The following PLCXD2 variants were observed in gnomAD, a reference collection of about 807,000 sequenced individuals.
PLCXD2 encodes PI-PLC X domain-containing protein 2.
PLCXD2 carries 21 observed loss-of-function variants against 28.6 expected under a neutral mutation model. The observed-to-expected ratio is 0.73, with a 90% CI of 0.52 to 1.06. PLCXD2 has a LOEUF of 1.06. Ranked by LOEUF, PLCXD2 falls within the 50% of genes least tolerant of loss-of-function variation. The pLI is 0.00. For synonymous variants in PLCXD2, 140 were observed against 150.1 expected (o/e 0.93, Z 0.49); for missense variants, 369 against 376.7 (o/e 0.98, Z 0.17).
chr3:111,720,356 A>G (rs1941328360), intron 3 of PLCXD2, among the ~76,000 whole-genome samples: 1 of 151,988 alleles, frequency 6.6e-6, no homozygotes, highest in African/African-American at 2.4e-5. Flanking sequence ...GCTGATCTCA[A>G]ACTCCTGGAT....
chr3:111,678,544 A>G (rs1387787867), intron 1 of PLCXD2, among the ~76,000 whole-genome samples: 1 of 152,178 alleles, frequency 6.6e-6, no homozygotes, highest in African/African-American at 2.4e-5. Context: ...TTTTTAAAAA[A>G]CACTTTCTTT....
At chr3:111,677,672 C>A (rs376845468) in intron 1 of PLCXD2, among the ~76,000 whole-genome samples, 5 of 152,170 alleles carry the variant, frequency 3.3e-5, no homozygotes, top group African/African-American at 1.2e-4. Context: ...ATTTAAGCCC[C>A]TGTGTAGCTG....
At chr3:111,707,015 G>C (rs1941129287) in intron 1 of PLCXD2, among the ~76,000 whole-genome samples, 2 of 152,286 alleles carry the variant, frequency 1.3e-5, no homozygotes, top group South Asian at 4.1e-4. Flanking sequence ...TGGACAGATG[G>C]ATTATCTAGA....
At chr3:111,704,646 A>C (rs1941091740) in intron 1 of PLCXD2, among the ~76,000 whole-genome samples, 2 of 152,312 alleles carry the variant, frequency 1.3e-5, no homozygotes, top group South Asian at 4.1e-4. Context: ...TATAATGATC[A>C]AATCAGTGTA....
chr3:111,687,398 G>GT (rs1448683285), intron 1 of PLCXD2, among the ~76,000 whole-genome samples: 1 of 152,068 alleles, frequency 6.6e-6, no homozygotes, highest in Non-Finnish European at 1.5e-5. Flanking sequence ...GACTCTAAGG[G>GT]TTTTTTGTTT....
At chr3:111,688,895 A>T (rs570798944) in intron 1 of PLCXD2, among the ~76,000 whole-genome samples, 1 of 151,328 alleles carries the variant, frequency 6.6e-6, no homozygotes, top group South Asian at 2.1e-4. Flanking sequence ...TAAATATGTT[A>T]TATATATATA....
At chr3:111,710,084 T>TCC (rs1941179596) in intron 2 of PLCXD2, among the ~76,000 whole-genome samples, 1 of 152,006 alleles carries the variant, frequency 6.6e-6, no homozygotes, top group Non-Finnish European at 1.5e-5. Flanking sequence ...CAAGGATGAG[T>TCC]CCCAGGCTTG....
chr3:111,696,817 T>A (rs1226341988), intron 1 of PLCXD2, among the ~76,000 whole-genome samples: 1 of 152,262 alleles, frequency 6.6e-6, no homozygotes, highest in Non-Finnish European at 1.5e-5. Context: ...GGAGCTTACA[T>A]GGCATTTAGA....
chr3:111,725,627 C>A (rs1288144711), intron 3 of PLCXD2: 1 of 398,420 alleles, frequency 2.5e-6, no homozygotes, highest in Non-Finnish European at 4.4e-6. Context: ...CAGTCTTAGA[C>A]ACTATACAAA....
chr3:111,709,020 A>G (rs73852865), intron 2 of PLCXD2, among the ~76,000 whole-genome samples: 84 of 149,408 alleles, frequency 5.6e-4, no homozygotes, highest in African/African-American at 2.1e-3. Flanking sequence ...CCTCAGATAT[A>G]TTCCACTCTG....
chr3:111,674,998 A>C lies in PLCXD2; in HGVS notation c.-248A>C, dbSNP rs1367021760. The stretch of plus-strand genomic sequence containing the variant: ...CCTTCCCCCATCTCCAGAGGGGAAC[A>C]TAAGAAGTTTAACGGAGCTGGGACT... On this transcript the variant is annotated 5_prime_UTR_variant, in exon 1 of 5. Coordinates refer to ENST00000477665, the MANE Select transcript of PLCXD2 (RefSeq NM_001185106.1). 1.7e-5 allele frequency: 8 copies of C among 478,486 alleles called. No individual in the cohort carries two copies. In the East Asian group the frequency reaches 2.1e-4, roughly 13 times the overall value. 29.6% of individuals were successfully genotyped at this position (478,486 alleles called of 1,614,324 possible). A position where few individuals can be genotyped will look rare whatever the true frequency, so the allele number is the denominator to read the frequency against.
chr3:111,726,926 A>G (rs1941423773), intron 3 of PLCXD2: 1 of 152,144 alleles, frequency 6.6e-6, no homozygotes, highest in Non-Finnish European at 1.5e-5. Context: ...ACATTTTGTT[A>G]TTGGTCCACT....
chr3:111,698,025 C>T (rs1410334050), intron 1 of PLCXD2, among the ~76,000 whole-genome samples: 1 of 152,090 alleles, frequency 6.6e-6, no homozygotes, highest in South Asian at 2.1e-4. Context: ...TTTTTCCTAG[C>T]CCTAAATGTT....
At chr3:111,720,600 A>G in intron 3 of PLCXD2, 123 bp from the exon 4 acceptor site, 1 of 407,960 alleles carries the variant, frequency 2.5e-6, no homozygotes, top group Non-Finnish European at 4.4e-6. Flanking sequence ...TACCTCTGAA[A>G]GCTTGTGCTC....
intron 3 of PLCXD2, 21 bp downstream of exon 3, chr3:111,714,149 C>A: frequency 1.2e-6 from 2 of 1,606,940 alleles, no homozygotes; most frequent in Non-Finnish European, 8.5e-7. Context: ...GCTTCCACCC[C>A]ACAAGGAAAG....
At chr3:111,718,526 TAGATA>T (rs1559799085) in intron 3 of PLCXD2, among the ~76,000 whole-genome samples, 9 of 121,068 alleles carry the variant, frequency 7.4e-5, no homozygotes, top group African/African-American at 2.3e-4. Flanking sequence ...GATAGATAGA[TAGATA>T]GATTGATTGA....
chr3:111,698,965 A>G (rs912563592), intron 1 of PLCXD2, among the ~76,000 whole-genome samples: 5 of 152,322 alleles, frequency 3.3e-5, no homozygotes, highest in South Asian at 2.1e-4. Context: ...TTGCAATGTC[A>G]GTGCCTAAAG....
intron 3 of PLCXD2, among the ~76,000 whole-genome samples, chr3:111,720,463 C>T (rs1284825166): frequency 6.6e-6 from 1 of 152,162 alleles, no homozygotes; most frequent in Non-Finnish European, 1.5e-5. Context: ...TTCCTGTTGA[C>T]ATGGTATCTC....
chr3:111,691,326 C>T (rs765873215), intron 1 of PLCXD2: 2 of 152,180 alleles, frequency 1.3e-5, no homozygotes, highest in Admixed American at 1.3e-4. Flanking sequence ...AGAAGAGACC[C>T]TAAGTCGCAT....
Sources: gnomAD v4.1 joint callset for allele counts (sites outside exome capture counted in the v4.1 genomes callset) on GRCh38, gnomAD v4.1.1 for gene constraint, MANE v1.5 for transcripts, NCBI Gene and HGNC (gene_info 2026-07-23, HGNC 2026-07-21) for gene names.